Variants in ANKRD50 observed in about 807,000 individuals in gnomAD.
The protein encoded by ANKRD50 is ankyrin repeat domain 50, also known as ankyrin repeat domain-containing protein 50.
A neutral mutation model predicts 112.0 loss-of-function variants in ANKRD50; 40 were observed. That is an observed-to-expected ratio of 0.36 (90% CI 0.28 to 0.46). The LOEUF (loss-of-function observed/expected upper bound fraction) is 0.46, where lower values mean the gene tolerates loss of function less well. Among genes scored for constraint, ANKRD50 ranks in the 20% least tolerant of loss-of-function variants. The pLI, the probability that ANKRD50 is intolerant of heterozygous loss-of-function variation, is 1.00. For missense variants in ANKRD50, 1,487 were observed against 1,701.7 expected, an observed-to-expected ratio of 0.87 and a Z score of 2.22; for synonymous variants, 613 against 619.1, an observed-to-expected ratio of 0.99 and a Z score of 0.15.
chr4:124,698,866 A>AT (rs1725318197), intron 2 of ANKRD50, among the ~76,000 whole-genome samples: 1 of 151,950 alleles, frequency 6.6e-6, no homozygotes, highest in Non-Finnish European at 1.5e-5. Flanking sequence ...CATTTACTTA[A>AT]TTTTTTTCAA....
chr4:124,710,238 A>G lies in ANKRD50; in HGVS notation c.274T>C (p.Trp92Arg), dbSNP rs765245582. 4 of 1,614,128 alleles carry G rather than the reference A, an allele frequency of 2.5e-6. No individual in the cohort carries two copies. The highest frequency in any genetic ancestry group is 2.5e-6 in the Non-Finnish European group (3 of 1,180,056). Residue 92 changes from tryptophan (W) to arginine (R), a missense_variant, in exon 2 of 5, where the codon TGG becomes CGG. By Grantham distance (101) the Trp-to-Arg change is moderately radical (BLOSUM62 -3). Coordinates refer to ENST00000504087, the MANE Select transcript of ANKRD50 (RefSeq NM_020337.3). ...TGCAAACTTGCAGGTGAACTTGGCC[A>G]TAAGAGTTCAGTACATAGGGCCGTC... is the stretch of plus-strand genomic sequence containing the variant. ...GKTALCTELLWPSSPASLQRG... is the reference protein window; with the variant it reads ...GKTALCTELLRPSSPASLQRG...
chr4:124,712,210 T>G (rs982460258), intron 1 of ANKRD50, among the ~76,000 whole-genome samples: 1 of 150,574 alleles, frequency 6.6e-6, no homozygotes, highest in Non-Finnish European at 1.5e-5. Flanking sequence ...GGGGAGGGGG[T>G]GACTGAGGTC....
chr4:124,668,314 C>T (rs74523017), intron 4 of ANKRD50, among the ~76,000 whole-genome samples: 1,956 of 152,042 alleles, frequency 0.013, 19 homozygotes, highest in South Asian at 0.032. Flanking sequence ...CACGTCTATG[C>T]CTTATGTGTG....
At chr4:124,677,345 A>AT in intron 3 of ANKRD50, among the ~76,000 whole-genome samples, 1 of 151,848 alleles carries the variant, frequency 6.6e-6, no homozygotes, top group East Asian at 1.9e-4. Flanking sequence ...TTCATGAAGC[A>AT]TTTTTTGTAA....
rs142551048 is a variant in ANKRD50, at chr4:124,691,874, G to A, written c.513-12969C>T. ...ATTTCTACTTGAAAGCAGTACACAA[G>A]TTGAGCATTCCTATTCCAAAAATCT... is the stretch of plus-strand genomic sequence containing the variant. On this transcript the variant is annotated intron_variant, in intron 2 of 4. Transcript: ENST00000504087. Among the ~76,000 whole-genome samples, 327 of 152,296 alleles carry A rather than the reference G, an allele frequency of 2.1e-3. 1 individual carries two copies. Among genetic ancestry groups the A allele is most frequent in the Non-Finnish European group, 3.5e-3 (240 of 68,034 alleles).
intron 2 of ANKRD50, among the ~76,000 whole-genome samples, chr4:124,694,269 T>C (rs1725202313): frequency 1.3e-5 from 2 of 152,208 alleles, no homozygotes; most frequent in Non-Finnish European, 2.9e-5. Flanking sequence ...AATTTGTCTC[T>C]GAATTTTGGA....
In ANKRD50 at chr4:124,669,908, T is replaced by C. The variant is rs1034108309; in HGVS notation, c.3369A>G (p.Ser1123=). ...VHTMEQKPLQ[S]LSSKVQSLTI... ...TTAATGACTGCACTTTTGAAGACAA[T>C]GACTGTAGAGGTTTTTGCTCCATTG... The change falls in exon 4 of 5, where the codon TCA becomes TCG. Residue 1123 remains serine, a synonymous_variant. Coordinates refer to ENST00000504087, the MANE Select transcript of ANKRD50 (RefSeq NM_020337.3). 1.1e-5 allele frequency: 17 copies of C among 1,613,502 alleles called. No individual in the cohort carries two copies. Among genetic ancestry groups the C allele is most frequent in the Non-Finnish European group, 1.4e-5 (16 of 1,179,800 alleles).
chr4:124,674,456 ATTAT>A (rs904505488), intron 3 of ANKRD50, among the ~76,000 whole-genome samples: 3 of 151,990 alleles, frequency 2.0e-5, no homozygotes, highest in African/African-American at 7.2e-5. Context: ...TTAAGTATTC[ATTAT>A]TTATAAAACT....
In ANKRD50 at chr4:124,671,748, T is replaced by C; in HGVS notation, c.1529A>G (p.Glu510Gly). The C allele has an allele frequency of 4.3e-6, 7 of 1,613,918 alleles. No individual in the cohort carries two copies. Among genetic ancestry groups the C allele is most frequent in the Non-Finnish European group, 5.9e-6 (7 of 1,179,860 alleles). The change falls in exon 4 of 5, where the codon GAA (glutamate) becomes GGA (glycine). Residue 510 changes from glutamate to glycine, a missense_variant. Glu to Gly is a moderately conservative substitution (Grantham distance 98, BLOSUM62 -2). This residue lies in a region of ANKRD50 where 1,046 missense variants were observed against 1,269.5 expected (regional missense o/e 0.82). Coordinates refer to ENST00000504087, the MANE Select transcript of ANKRD50 (RefSeq NM_020337.3). ...LVKAGAHVNSEDDRTSCIVRQ... is the reference protein window; with the variant it reads ...LVKAGAHVNSGDDRTSCIVRQ... ...AACTATGCATGATGTGCGATCGTCT[T>C]CACTGTTGACATGAGCCCCAGCTTT...
intron 2 of ANKRD50, among the ~76,000 whole-genome samples, chr4:124,688,710 A>G (rs1360837729): frequency 1.3e-5 from 2 of 152,150 alleles, no homozygotes; most frequent in Non-Finnish European, 2.9e-5. Context: ...GAACAGACCA[A>G]TGCTCTTAGA....
Position 124,670,655 on chromosome 4 carries a change from A to G in ANKRD50, c.2622T>C (p.Asn874=). 6.2e-7 allele frequency: 1 copy of G among 1,613,502 alleles called. No homozygotes were observed. The highest frequency in any genetic ancestry group is 8.5e-7 in the Non-Finnish European group (1 of 1,179,776). Reference sequence around the variant, plus strand: ...GGATTCGTCCATCATTGTCAATCTCATTTGTTCTAGCACCTTGTTCAATAA... The same window carrying G: ...GGATTCGTCCATCATTGTCAATCTCGTTTGTTCTAGCACCTTGTTCAATAA... ...EALIEQGART[N]EIDNDGRIPF... Residue 874 remains asparagine (N), a synonymous_variant, in exon 4 of 5, where the codon AAT becomes AAC. Transcript: ENST00000504087.
At chr4:124,684,593 G>T (rs550956820) in intron 2 of ANKRD50, among the ~76,000 whole-genome samples, 1 of 152,244 alleles carries the variant, frequency 6.6e-6, no homozygotes, top group South Asian at 2.1e-4. Context: ...TCAAATGAGA[G>T]CTTTTGTCCT....
At chr4:124,682,968 T>C (rs1411336210) in intron 2 of ANKRD50, among the ~76,000 whole-genome samples, 2 of 151,992 alleles carry the variant, frequency 1.3e-5, no homozygotes, top group African/African-American at 4.8e-5. Context: ...TTACTAGGAA[T>C]AGAATTGTTA....
intron 2 of ANKRD50, among the ~76,000 whole-genome samples, chr4:124,694,870 GAGA>G (rs2110521923): frequency 6.6e-6 from 1 of 152,108 alleles, no homozygotes; most frequent in South Asian, 2.1e-4. Context: ...AATGGTAATA[GAGA>G]AGAAATCCAA....
At chr4:124,705,117 CA>C (rs1311365879) in intron 2 of ANKRD50, among the ~76,000 whole-genome samples, 1 of 151,720 alleles carries the variant, frequency 6.6e-6, no homozygotes, top group Admixed American at 6.6e-5. Context: ...AACAAACAAA[CA>C]AAAAAACTGC....
At chr4:124,684,802 G>C (rs978356509) in intron 2 of ANKRD50, among the ~76,000 whole-genome samples, 11 of 152,252 alleles carry the variant, frequency 7.2e-5, no homozygotes, top group Admixed American at 6.5e-4. Flanking sequence ...TCTTAGTCAT[G>C]TAAAAAGTAG....
chr4:124,690,533 T>G (rs1250888119), intron 2 of ANKRD50, among the ~76,000 whole-genome samples: 2 of 152,176 alleles, frequency 1.3e-5, no homozygotes, highest in Non-Finnish European at 2.9e-5. Context: ...AAATAGATAT[T>G]GGTAATTAAA....
At chr4:124,712,002 C>A (rs922148479) in intron 1 of ANKRD50, among the ~76,000 whole-genome samples, 2 of 152,088 alleles carry the variant, frequency 1.3e-5, no homozygotes, top group African/African-American at 4.8e-5. Context: ...CCAGTTTCAG[C>A]TGACAGACAA....
rs143381372 is a variant in ANKRD50, at chr4:124,671,355, T to A, written c.1922A>T (p.Asp641Val). Reference sequence around the variant, plus strand: ...TCTCAAAGCTGTTCGGCTATCAGCATCTGCACAATCCACTTTTACGCCAGC... The same window carrying A: ...TCTCAAAGCTGTTCGGCTATCAGCAACTGCACAATCCACTTTTACGCCAGC... ...LYAGVKVDCA[D>V]ADSRTALRAA... is the part of the protein sequence containing the mutation. Residue 641 changes from aspartate (D) to valine (V), a missense_variant, in exon 4 of 5, where the codon GAT becomes GTT. Coordinates refer to ENST00000504087, the MANE Select transcript of ANKRD50 (RefSeq NM_020337.3). 6.2e-7 allele frequency: 1 copy of A among 1,613,880 alleles called. No homozygotes were observed. Among genetic ancestry groups the A allele is most frequent in the Non-Finnish European group, 8.5e-7 (1 of 1,179,866 alleles).
Sources: gnomAD v4.1 joint callset for allele counts (sites outside exome capture counted in the v4.1 genomes callset) on GRCh38, gnomAD v4.1.1 for gene constraint, gnomAD v4.1.1 regional missense constraint, MANE v1.5 for transcripts, NCBI Gene and HGNC (gene_info 2026-07-23, HGNC 2026-07-21) for gene names.